Variants in TCF7L1 observed in about 807,000 individuals in gnomAD.
TCF7L1 encodes the protein transcription factor 7 like 1.
Under a neutral mutation model 63.7 loss-of-function variants are expected in TCF7L1, and 18 were observed. The ratio of observed to expected loss-of-function variants is 0.28; its 90% CI spans 0.20 to 0.42. TCF7L1 has a LOEUF of 0.42. Ranked by LOEUF, TCF7L1 falls within the 10% of genes least tolerant of loss-of-function variation. The pLI, the probability that TCF7L1 is intolerant of heterozygous loss-of-function variation, is 1.00. For missense variants in TCF7L1, 654 were observed against 779.3 expected, an observed-to-expected ratio of 0.84 and a Z score of 1.91; for synonymous variants, 355 against 340.9, an observed-to-expected ratio of 1.04 and a Z score of -0.46.
chr2:85,248,682 T>A (rs1680523994), intron 3 of TCF7L1, among the ~76,000 whole-genome samples: 1 of 152,204 alleles, frequency 6.6e-6, no homozygotes, highest in Non-Finnish European at 1.5e-5. Flanking sequence ...CCATCAAGAT[T>A]GCTAGCGTTG....
intron 4 of TCF7L1, among the ~76,000 whole-genome samples, chr2:85,298,168 G>GT (rs1681874574): frequency 1.8e-5 from 2 of 113,766 alleles, no homozygotes; most frequent in African/African-American, 3.8e-5. Context: ...CTCCAGCCTG[G>GT]GTGACAGAGT....
chr2:85,138,642 G>T (rs1244704598), intron 3 of TCF7L1, among the ~76,000 whole-genome samples: 1 of 152,192 alleles, frequency 6.6e-6, no homozygotes, highest in Non-Finnish European at 1.5e-5. Flanking sequence ...GAAGGACTGG[G>T]AACCTGTCAA....
At chr2:85,209,961 C>T (rs1247301345) in intron 3 of TCF7L1, among the ~76,000 whole-genome samples, 1 of 152,136 alleles carries the variant, frequency 6.6e-6, no homozygotes, top group East Asian at 1.9e-4. Flanking sequence ...CTGTTTGAGA[C>T]ATGGGTGTCT....
At chr2:85,179,901 A>G (rs1678761617) in intron 3 of TCF7L1, among the ~76,000 whole-genome samples, 1 of 152,134 alleles carries the variant, frequency 6.6e-6, no homozygotes, top group African/African-American at 2.4e-5. Context: ...AAAAAAAAAG[A>G]CTTAAAGCTC....
At chr2:85,203,081 C>T (rs144041417) in intron 3 of TCF7L1, among the ~76,000 whole-genome samples, 3,762 of 152,204 alleles carry the variant, frequency 0.025, 159 homozygotes, top group African/African-American at 0.085. Context: ...GTGATCCGCC[C>T]GCCTTGGCCT....
chr2:85,230,627 G>A (rs1335696942), intron 3 of TCF7L1, among the ~76,000 whole-genome samples: 1 of 152,080 alleles, frequency 6.6e-6, no homozygotes, highest in Admixed American at 6.6e-5. Context: ...GAGCCACCAC[G>A]CCCAACCTTA....
intron 3 of TCF7L1, among the ~76,000 whole-genome samples, chr2:85,232,588 A>G (rs1680108221): frequency 6.6e-6 from 1 of 152,212 alleles, no homozygotes; most frequent in South Asian, 2.1e-4. Flanking sequence ...ACTGTTCAGC[A>G]TATGGGCATT....
intron 3 of TCF7L1, among the ~76,000 whole-genome samples, chr2:85,178,114 G>T (rs1678720283): frequency 6.6e-6 from 1 of 152,116 alleles, no homozygotes; most frequent in African/African-American, 2.4e-5. Context: ...AATGGTATGA[G>T]GTAGGGCTAC....
Position 85,159,914 on chromosome 2 carries a change from C to T in TCF7L1, c.441+25464C>T, listed in dbSNP as rs528691718. 1.7e-3 allele frequency among the ~76,000 whole-genome samples: 257 copies of T among 152,308 alleles called. 5 individuals carry two copies. Among genetic ancestry groups the T allele is most frequent in the Admixed American group, 7.8e-3 (120 of 15,304 alleles). ...GCTTCCCCCTTTGTTTGGCCCCCTC[C>T]TGTCCCCAGGCTCCCTGACCGATGC... On this transcript the variant is annotated intron_variant, in intron 3 of 11. Coordinates refer to ENST00000282111, the MANE Select transcript of TCF7L1 (RefSeq NM_031283.3).
chr2:85,181,160 A>G (rs1678797562), intron 3 of TCF7L1, among the ~76,000 whole-genome samples: 1 of 152,192 alleles, frequency 6.6e-6, no homozygotes, highest in Non-Finnish European at 1.5e-5. Flanking sequence ...TAAGAGAAAG[A>G]GGTGCGGAGA....
intron 3 of TCF7L1, among the ~76,000 whole-genome samples, chr2:85,146,035 C>G (rs1483990549): frequency 6.6e-6 from 1 of 152,076 alleles, no homozygotes; most frequent in Admixed American, 6.5e-5. Flanking sequence ...TGAAATACTT[C>G]TTTATCTAAA....
chr2:85,234,614 T>C (rs1319665866), intron 3 of TCF7L1, among the ~76,000 whole-genome samples: 3 of 152,224 alleles, frequency 2.0e-5, no homozygotes, highest in African/African-American at 7.2e-5. Flanking sequence ...ACATTCCCCA[T>C]CTGCTGGAAT....
chr2:85,232,404 C>T (rs1680102710), intron 3 of TCF7L1, among the ~76,000 whole-genome samples: 1 of 152,116 alleles, frequency 6.6e-6, no homozygotes, highest in Non-Finnish European at 1.5e-5. Context: ...CTAACAAATA[C>T]TGATGGTGCA....
chr2:85,224,894 A>G (rs1679923653), intron 3 of TCF7L1, among the ~76,000 whole-genome samples: 1 of 152,150 alleles, frequency 6.6e-6, no homozygotes. Context: ...GTTTTCTTCT[A>G]GGGTTTTTAT....
intron 3 of TCF7L1, among the ~76,000 whole-genome samples, chr2:85,201,988 G>A (rs1000078398): frequency 1.3e-5 from 2 of 151,152 alleles, no homozygotes; most frequent in Non-Finnish European, 2.9e-5. Flanking sequence ...TTTTTGAGAT[G>A]GAGTCTCACT....
At chr2:85,230,181 C>T (rs1680045715) in intron 3 of TCF7L1, among the ~76,000 whole-genome samples, 1 of 152,208 alleles carries the variant, frequency 6.6e-6, no homozygotes, top group East Asian at 1.9e-4. Flanking sequence ...GTTGACTCCC[C>T]TGTTTCCTTG....
At chr2:85,304,884 G>A (rs1231461891) in intron 7 of TCF7L1, among the ~76,000 whole-genome samples, 2 of 152,282 alleles carry the variant, frequency 1.3e-5, no homozygotes, top group East Asian at 3.9e-4. Context: ...AGGAGACGGT[G>A]AAAGGGGATT....
At chr2:85,308,448 T>TTCCCTCCCATTTTCC (rs1682186382) in intron 11 of TCF7L1, among the ~76,000 whole-genome samples, 1 of 62,826 alleles carries the variant, frequency 1.6e-5, no homozygotes, top group African/African-American at 9.0e-5. Flanking sequence ...TCCCTTTCTC[T>TTCCCTCCCATTTTCC]TTCCCTCCCT....
chr2:85,251,033 A>C (rs1250788196), intron 3 of TCF7L1, among the ~76,000 whole-genome samples: 1 of 152,246 alleles, frequency 6.6e-6, no homozygotes, highest in African/African-American at 2.4e-5. Flanking sequence ...AGGCCTGAGA[A>C]CATGGCCTGA....
Sources: allele counts gnomAD v4.1 joint callset (sites outside exome capture counted in the v4.1 genomes callset), GRCh38; gene constraint gnomAD v4.1.1; transcripts MANE v1.5; gene names NCBI Gene and HGNC (gene_info 2026-07-23, HGNC 2026-07-21).